The following DNAJC6 variants were observed in gnomAD, a reference collection of about 807,000 sequenced individuals.
DNAJC6 encodes the protein DnaJ heat shock protein family (Hsp40) member C6, also known as auxilin.
A neutral mutation model predicts 110.0 loss-of-function variants in DNAJC6; 34 were observed. The observed-to-expected ratio is 0.31, with a 90% CI of 0.24 to 0.41. DNAJC6 has a LOEUF of 0.41. DNAJC6 is among the 10% of genes least tolerant of loss of function. DNAJC6 has a pLI of 1.00. For synonymous variants in DNAJC6, 406 were observed against 437.2 expected, an observed-to-expected ratio of 0.93 and a Z score of 0.89; for missense variants, 1,031 against 1,207.8, an observed-to-expected ratio of 0.85 and a Z score of 2.17.
chr1:65,356,634 A>G (rs957113553), intron 1 of DNAJC6, among the ~76,000 whole-genome samples: 5 of 152,020 alleles, frequency 3.3e-5, no homozygotes, highest in Admixed American at 1.3e-4. Context: ...ATTTCTGGTC[A>G]TTTTAGAAGA....
intron 1 of DNAJC6, chr1:65,265,003 A>T: frequency 1.4e-6 from 2 of 1,409,046 alleles, no homozygotes; most frequent in South Asian, 2.4e-5. Context: ...ATGCGATGTC[A>T]CTCCACAGAC....
intron 17 of DNAJC6, 51 bp downstream of exon 17, chr1:65,408,834 T>C (rs763020550): frequency 6.3e-7 from 1 of 1,594,378 alleles, no homozygotes; most frequent in East Asian, 2.2e-5. Flanking sequence ...CAAAGTCATG[T>C]GATAAAGTCA....
rs188709480 is a variant in DNAJC6 at position 65,330,668 on chromosome 1, C to T, written c.193+20730C>T. Among the ~76,000 whole-genome samples the T allele has an allele frequency of 3.5e-3, 531 of 152,228 alleles. 10 individuals are homozygous for T. Among genetic ancestry groups the T allele is most frequent in the Admixed American group, 0.031 (474 of 15,284 alleles). On this transcript the variant is annotated intron_variant, in intron 1 of 18. Coordinates refer to ENST00000371069, the MANE Select transcript of DNAJC6 (RefSeq NM_001256864.2). ...ATTTTTAGTAGAGATAGGGTTTCAC[C>T]GTGTTAGCCAGGATGGTCTCAATCT...
upstream of DNAJC6, among the ~76,000 whole-genome samples, chr1:65,304,701 T>G (rs1645021005): frequency 1.3e-5 from 2 of 152,214 alleles, no homozygotes. Context: ...AAGATGTGTC[T>G]TTTGGCATCT....
At position 65,415,269 on chromosome 1, in the gene DNAJC6, C is replaced by G. The variant is rs1313910077; in HGVS notation, c.*2244C>G. ...TATTTGTAATGTATATTAAAAGGTTCAAAAATATTTGTATAAATCTAAGTT... is the reference window on the plus strand; with the variant it reads ...TATTTGTAATGTATATTAAAAGGTTGAAAAATATTTGTATAAATCTAAGTT... On this transcript the variant is annotated 3_prime_UTR_variant, in exon 19 of 19. Transcript: ENST00000371069. 1 of 152,026 alleles carries G rather than the reference C, an allele frequency of 6.6e-6. No individual in the cohort carries two copies. The highest frequency in any genetic ancestry group is 6.6e-5 in the Admixed American group (1 of 15,260). 9.4% of individuals were successfully genotyped at this position (152,026 alleles called of 1,614,324 possible).
intron 17 of DNAJC6, among the ~76,000 whole-genome samples, chr1:65,409,449 G>A (rs968851428): frequency 1.3e-5 from 2 of 152,202 alleles, no homozygotes; most frequent in African/African-American, 4.8e-5. Context: ...GTTCAAATGA[G>A]CAGTGGCACT....
Position 65,356,933 on chromosome 1 carries a change from G to A in DNAJC6, c.194-7702G>A, listed in dbSNP as rs578099216. On this transcript the variant is annotated intron_variant, in intron 1 of 18. Coordinates refer to ENST00000371069, the MANE Select transcript of DNAJC6 (RefSeq NM_001256864.2). ...GAATGAGACGTAAGCAGCCTTTGGA[G>A]CCAAAGCAGTGGCTTTTTCCATGGT... Among the ~76,000 whole-genome samples, 11 of 152,288 alleles carry A rather than the reference G, an allele frequency of 7.2e-5. No individual in the cohort carries two copies. In the South Asian group the frequency reaches 2.3e-3, roughly 32 times the overall value.
chr1:65,353,218 G>A (rs999973431), intron 1 of DNAJC6, among the ~76,000 whole-genome samples: 1 of 152,210 alleles, frequency 6.6e-6, no homozygotes, highest in African/African-American at 2.4e-5. Context: ...TTCTGGAGTT[G>A]AGGTTCCATG....
At chr1:65,356,739 C>T (rs565609083) in intron 1 of DNAJC6, among the ~76,000 whole-genome samples, 1 of 151,646 alleles carries the variant, frequency 6.6e-6, no homozygotes, top group African/African-American at 2.4e-5. Context: ...TTAATTAGTT[C>T]CAGTTTATAG....
At chr1:65,278,028 A>G (rs1653729130) in intron 1 of DNAJC6, among the ~76,000 whole-genome samples, 1 of 152,188 alleles carries the variant, frequency 6.6e-6, no homozygotes, top group South Asian at 2.1e-4. Flanking sequence ...AAAGAAGAAA[A>G]AAGTATTTTT....
At chr1:65,400,409 A>G (rs1646019747) in intron 14 of DNAJC6, among the ~76,000 whole-genome samples, 1 of 152,198 alleles carries the variant, frequency 6.6e-6, no homozygotes, top group South Asian at 2.1e-4. Flanking sequence ...ATGCTGTACA[A>G]TGGATCTCTT....
At chr1:65,325,644 T>C (rs1645235108) in intron 1 of DNAJC6, among the ~76,000 whole-genome samples, 1 of 152,242 alleles carries the variant, frequency 6.6e-6, no homozygotes, top group African/African-American at 2.4e-5. Context: ...TAGTACTGGA[T>C]TCCTTTTCTC....
chr1:65,350,012 CAAAG>C (rs1645476471), intron 1 of DNAJC6, among the ~76,000 whole-genome samples: 1 of 152,170 alleles, frequency 6.6e-6, no homozygotes, highest in Non-Finnish European at 1.5e-5. Context: ...GCCCCCACAA[CAAAG>C]AATTATCCAA....
chr1:65,316,243 G>A (rs552864767), intron 1 of DNAJC6, among the ~76,000 whole-genome samples: 1 of 152,216 alleles, frequency 6.6e-6, no homozygotes, highest in South Asian at 2.1e-4. Flanking sequence ...CCCCTCCCCA[G>A]CCTGCACCTC....
In DNAJC6 at chr1:65,401,783, G is replaced by C. The variant is rs1297943839; in HGVS notation, c.2130G>C (p.Lys710Asn). ...AKPGGFGMGS[K>N]SAATSPTGSS... ...CAGGAGGCTTTGGAATGGGAAGCAA[G>C]TCAGCTGCCACCAGCCCAACCGGAT... Residue 710 changes from lysine (K) to asparagine (N), a missense_variant, in exon 15 of 19, where the codon AAG (lysine) becomes AAC (asparagine). Transcript: ENST00000371069. 1 of 1,613,340 alleles carries C rather than the reference G, an allele frequency of 6.2e-7. No homozygotes were observed. Among genetic ancestry groups the C allele is most frequent in the Non-Finnish European group, 8.5e-7 (1 of 1,179,872 alleles).
Position 65,406,162 on chromosome 1 carries a change from T to C in DNAJC6, c.2491+29T>C, listed in dbSNP as rs552502948. On this transcript the variant is annotated intron_variant, in intron 16 of 18. Coordinates refer to ENST00000371069, the MANE Select transcript of DNAJC6 (RefSeq NM_001256864.2). Reference sequence around the variant, plus strand: ...AGGATAATGGTATGGGACCTAGCTATGGGGCAGCCTGTCTATGTTGTCATA... The same window carrying C: ...AGGATAATGGTATGGGACCTAGCTACGGGGCAGCCTGTCTATGTTGTCATA... 408 of 1,592,566 alleles carry C rather than the reference T, an allele frequency of 2.6e-4. 5 individuals carry two copies. The South Asian group carries it at 4.5e-3, about 17-fold the overall frequency.
At chr1:65,410,668 A>G (rs1005612823) in intron 17 of DNAJC6, among the ~76,000 whole-genome samples, 4 of 152,160 alleles carry the variant, frequency 2.6e-5, no homozygotes, top group African/African-American at 9.7e-5. Flanking sequence ...TCAAACTGTG[A>G]ATGTTCATAG....
At chr1:65,330,614 G>C (rs770807661) in intron 1 of DNAJC6, among the ~76,000 whole-genome samples, 1 of 151,972 alleles carries the variant, frequency 6.6e-6, no homozygotes, top group Non-Finnish European at 1.5e-5. Flanking sequence ...GACTACAGGC[G>C]CCGCCACCAT....
chr1:65,306,888 C>A (rs547506548), upstream of DNAJC6, among the ~76,000 whole-genome samples: 12 of 151,912 alleles, frequency 7.9e-5, no homozygotes, highest in Non-Finnish European at 1.8e-4. Context: ...GACTGCCAGG[C>A]GCTGAGCTTA....
Sources: allele counts gnomAD v4.1 joint callset (sites outside exome capture counted in the v4.1 genomes callset), GRCh38; gene constraint gnomAD v4.1.1; transcripts MANE v1.5; gene names NCBI Gene and HGNC (gene_info 2026-07-23, HGNC 2026-07-21).